Variants in ACOT11 observed in about 807,000 individuals in gnomAD.
ACOT11 encodes the protein acyl-coenzyme A thioesterase 11.
Under a neutral mutation model 77.5 loss-of-function variants are expected in ACOT11, and 69 were observed. The observed-to-expected ratio is 0.89, with a 90% confidence interval of 0.73 to 1.09. ACOT11 has a LOEUF of 1.09. Ranked by LOEUF, ACOT11 falls within the 50% of genes least tolerant of loss-of-function variation. The pLI is 0.00. For missense variants in ACOT11, 766 were observed against 813.7 expected (o/e 0.94, Z 0.71); for synonymous variants, 279 against 313.0 (o/e 0.89, Z 1.15).
At chr1:54,567,584 T>C (rs1039428614) in intron 1 of ACOT11, among the ~76,000 whole-genome samples, 1 of 151,926 alleles carries the variant, frequency 6.6e-6, no homozygotes, top group South Asian at 2.1e-4. Context: ...TGGCCTTTTT[T>C]CCCTAATTTT....
chr1:54,563,296 T>C (rs12086940), intron 1 of ACOT11, among the ~76,000 whole-genome samples: 5,792 of 152,136 alleles, frequency 0.038, 283 homozygotes, highest in African/African-American at 0.13. Flanking sequence ...TTAAGCAACT[T>C]GGAGAGGCAG....
At chr1:54,616,790 C>G (rs894397199) in intron 15 of ACOT11, among the ~76,000 whole-genome samples, 1 of 152,058 alleles carries the variant, frequency 6.6e-6, no homozygotes, top group African/African-American at 2.4e-5. Flanking sequence ...GCAAACAAGG[C>G]AAAAAAGCAA....
chr1:54,616,514 C>T (rs1329199022), intron 15 of ACOT11, among the ~76,000 whole-genome samples: 3 of 152,040 alleles, frequency 2.0e-5, no homozygotes, highest in Non-Finnish European at 4.4e-5. Context: ...CTGGAATTTA[C>T]AGGCGTGTGC....
chr1:54,571,457 G>A (rs141915175), intron 1 of ACOT11, among the ~76,000 whole-genome samples: 4 of 152,308 alleles, frequency 2.6e-5, no homozygotes, highest in African/African-American at 7.2e-5. Flanking sequence ...ATGGTGCCGC[G>A]TAGAGAGTTG....
At chr1:54,557,859 TTTTA>T (rs1459316844) in intron 1 of ACOT11, among the ~76,000 whole-genome samples, 1 of 152,204 alleles carries the variant, frequency 6.6e-6, no homozygotes, top group Non-Finnish European at 1.5e-5. Flanking sequence ...TTTGGATGCC[TTTTA>T]TTTCTCTCTC....
chr1:54,607,805 G>A lies in ACOT11; in HGVS notation c.1503-137G>A, dbSNP rs1410890642. 2 of 1,206,184 alleles carry A rather than the reference G, an allele frequency of 1.7e-6. No individual in the cohort carries two copies. Among genetic ancestry groups the A allele is most frequent in the Non-Finnish European group, 2.3e-6 (2 of 860,224 alleles). 74.7% of individuals were successfully genotyped at this position (1,206,184 alleles called of 1,614,324 possible). A position where few individuals can be genotyped will look rare whatever the true frequency, so the allele number is the denominator to read the frequency against. ...CCTGAGCCCCGCATTGGGGCTTTAA[G>A]AGTCGATGTGCCTTGCATCCCCCTG... On this transcript the variant is annotated intron_variant, in intron 14 of 15. Coordinates refer to ENST00000343744, the MANE Select transcript of ACOT11 (RefSeq NM_147161.4). The surrounding 1 kb of genome is among the most constrained non-coding windows in gnomAD (Gnocchi z 4.5).
chr1:54,608,025 G>C lies in ACOT11; in HGVS notation c.1586G>C (p.Cys529Ser). ...GAGTACAGACGCGGAGAGACCCTCT[G>C]CTCAGGCTTCTGCCTCTGGCGCGAG... is the stretch of plus-strand genomic sequence containing the variant. The part of the protein sequence containing the change: ...TPEYRRGETL[C>S]SGFCLWREGD... The change falls in exon 15 of 16, where the codon TGC becomes TCC. Residue 529 changes from cysteine (C) to serine (S), a missense_variant. Transcript: ENST00000343744. 6.2e-7 allele frequency: 1 copy of C among 1,613,104 alleles called. No individual in the cohort carries two copies. The highest frequency in any genetic ancestry group is 1.1e-5 in the South Asian group (1 of 91,028).
downstream of ACOT11, chr1:54,610,569 A>C: frequency 1.2e-6 from 2 of 1,607,416 alleles, no homozygotes; most frequent in South Asian, 2.2e-5. Context: ...TGGGGCCCCA[A>C]ATCGCCAAGG....
chr1:54,566,250 A>C (rs1437733495), intron 1 of ACOT11, among the ~76,000 whole-genome samples: 1 of 152,150 alleles, frequency 6.6e-6, no homozygotes, highest in African/African-American at 2.4e-5. Flanking sequence ...TGAAGTCAGG[A>C]GTTCGAGAGC....
downstream of ACOT11, chr1:54,612,669 A>G (rs528452056): frequency 1.2e-6 from 2 of 1,614,050 alleles, no homozygotes; most frequent in African/African-American, 1.3e-5. Context: ...GCCTGGAGAT[A>G]GGGTAGCCTT....
intron 3 of ACOT11, among the ~76,000 whole-genome samples, chr1:54,589,885 C>T (rs1364039807): frequency 1.3e-5 from 2 of 152,096 alleles, no homozygotes; most frequent in East Asian, 3.9e-4. Context: ...TCATAAGATC[C>T]AGACCATCCT....
Position 54,602,238 on chromosome 1 carries a change from TC to T in ACOT11, c.1030-429del, listed in dbSNP as rs1385944298. On this transcript the variant is annotated intron_variant, in intron 9 of 15. Transcript: ENST00000343744. ...TGTGGCCTTGGCAAGCCCTCACCCT[TC>T]CTTGTCTCAGGTTCCTCCTCTGTAG... Among the ~76,000 whole-genome samples the T allele has an allele frequency of 3.9e-5, 6 of 152,316 alleles. No individual in the cohort carries two copies. In the East Asian group the frequency reaches 1.2e-3, roughly 29 times the overall value.
chr1:54,616,133 C>T, intron 15 of ACOT11: 1 of 1,614,154 alleles, frequency 6.2e-7, no homozygotes, highest in Non-Finnish European at 8.5e-7. Context: ...TGTGCCGAGC[C>T]CTTCTACATT....
downstream of ACOT11, chr1:54,614,961 C>T (rs1380049070): frequency 9.2e-6 from 11 of 1,196,838 alleles, no homozygotes; most frequent in Admixed American, 2.2e-5. Flanking sequence ...TGTGCATGTG[C>T]GTGCACAGTG....
At chr1:54,594,778 A>G (rs1569735996) in intron 6 of ACOT11, 87 bp downstream of exon 6, 2 of 1,516,866 alleles carry the variant, frequency 1.3e-6, no homozygotes, top group Non-Finnish European at 1.8e-6. Context: ...CAGAGGCAGG[A>G]AGGGAGGCTC....
intron 7 of ACOT11, 71 bp from the exon 8 acceptor site, chr1:54,599,217 TATATATAA>T (rs1393576994): frequency 0.052 from 4,343 of 83,632 alleles, 389 homozygotes; most frequent in East Asian, 0.082. Flanking sequence ...TATATATATA[TATATATAA>T]AAATCTGGCC....
In ACOT11 at chr1:54,554,346, TA is replaced by T. The variant is rs1231509838; in HGVS notation, c.33+6005del. ...GTGTGTGTGTGTGTATATATATATA[TA>T]TATATTTTTTTTTTTTTTTTTTGAG... On this transcript the variant is annotated intron_variant, in intron 1 of 15. Coordinates refer to ENST00000343744, the MANE Select transcript of ACOT11 (RefSeq NM_147161.4). 2.5e-4 allele frequency among the ~76,000 whole-genome samples: 26 copies of T among 103,164 alleles called. 1 individual carries two copies. The highest frequency in any genetic ancestry group is 6.5e-4 in the South Asian group (2 of 3,068). 67.7% of individuals were successfully genotyped at this position (103,164 alleles called of 152,430 possible).
At chr1:54,580,266 G>T (rs1191970965) in intron 1 of ACOT11, among the ~76,000 whole-genome samples, 1 of 152,174 alleles carries the variant, frequency 6.6e-6, no homozygotes, top group Non-Finnish European at 1.5e-5. Flanking sequence ...ACCCAGGCGT[G>T]CTCTTCCCCT....
downstream of ACOT11, chr1:54,612,804 C>A: frequency 2.3e-6 from 2 of 862,602 alleles, no homozygotes; most frequent in Non-Finnish European, 3.7e-6. Flanking sequence ...GTGGCAGAGC[C>A]TATTGGATCT....
Sources: gnomAD v4.1 joint callset for allele counts (sites outside exome capture counted in the v4.1 genomes callset) on GRCh38, gnomAD v4.1.1 for gene constraint, Gnocchi (gnomAD v3.1) non-coding constraint, MANE v1.5 for transcripts, NCBI Gene and HGNC (gene_info 2026-07-23, HGNC 2026-07-21) for gene names.